SMCHD1: variants seen among roughly 807,000 people sequenced by gnomAD.
SMCHD1 encodes structural maintenance of chromosomes flexible hinge domain containing 1.
A neutral mutation model predicts 254.7 loss-of-function variants in SMCHD1; 78 were observed. That is an observed-to-expected ratio of 0.31 (90% CI 0.26 to 0.37). The LOEUF (loss-of-function observed/expected upper bound fraction) is 0.37, where lower values mean the gene tolerates loss of function less well. Among genes scored for constraint, SMCHD1 ranks in the 10% least tolerant of loss-of-function variants. The probability of loss-of-function intolerance (pLI) is 1.00; values close to 1 mark genes in which losing one functional copy is unlikely to be tolerated. For missense variants in SMCHD1, 1,840 were observed against 2,408.1 expected (o/e 0.76, Z 4.94); for synonymous variants, 766 against 794.9 (o/e 0.96, Z 0.61).
At chr18:2,664,244 A>G (rs2073374358) in intron 1 of SMCHD1, among the ~76,000 whole-genome samples, 2 of 152,192 alleles carry the variant, frequency 1.3e-5, no homozygotes, top group Admixed American at 1.3e-4. Context: ...AAAATAAAGC[A>G]TTTTTAATAT....
chr18:2,724,785 A>G (rs576791197), intron 20 of SMCHD1, 114 bp from the exon 21 acceptor site: 6 of 453,128 alleles, frequency 1.3e-5, no homozygotes, highest in African/African-American at 1.9e-5. Context: ...TTATATTTAA[A>G]AAATATTTTA....
intron 1 of SMCHD1, among the ~76,000 whole-genome samples, chr18:2,659,479 C>G (rs1042722481): frequency 2.6e-5 from 4 of 152,134 alleles, no homozygotes; most frequent in African/African-American, 9.7e-5. Flanking sequence ...ATGGAAAGGA[C>G]AAATCTGCAA....
intron 13 of SMCHD1, among the ~76,000 whole-genome samples, chr18:2,705,133 G>A (rs968359984): frequency 3.9e-5 from 6 of 152,182 alleles, no homozygotes; most frequent in African/African-American, 1.4e-4. Context: ...TTGTCCTGCT[G>A]CCTATTGTAT....
intron 45 of SMCHD1, among the ~76,000 whole-genome samples, chr18:2,790,622 G>A (rs975090860): frequency 4.6e-5 from 7 of 152,054 alleles, no homozygotes; most frequent in South Asian, 4.1e-4. Context: ...TTAGCTGGGC[G>A]TAGTGGCACA....
intron 7 of SMCHD1, among the ~76,000 whole-genome samples, chr18:2,692,941 G>A (rs893199673): frequency 2.0e-5 from 3 of 152,282 alleles, no homozygotes; most frequent in Middle Eastern, 3.4e-3. Context: ...AATTTGCATC[G>A]TTAGTAAATT....
chr18:2,773,220 T>C (rs191029084), intron 41 of SMCHD1, among the ~76,000 whole-genome samples: 29 of 152,328 alleles, frequency 1.9e-4, no homozygotes, highest in Admixed American at 1.6e-3. Context: ...TCAAGTTAAA[T>C]ATAAATTTAT....
chr18:2,668,176 G>A (rs550738583), intron 3 of SMCHD1, among the ~76,000 whole-genome samples: 19 of 152,178 alleles, frequency 1.2e-4, no homozygotes, highest in South Asian at 1.0e-3. Flanking sequence ...CACCATGCCC[G>A]GTCTGAACAG....
Position 2,772,388 on chromosome 18 carries a change from G to A in SMCHD1, c.5175+16G>A, listed in dbSNP as rs757272558. The A allele has an allele frequency of 2.0e-6, 3 of 1,537,104 alleles. No homozygotes were observed. On this transcript the variant is annotated intron_variant, in intron 41 of 47. Coordinates refer to ENST00000320876, the MANE Select transcript of SMCHD1 (RefSeq NM_015295.3). ...TTTGGGAAAGGTTTGTGTTTATTAAGCCTTTTGAAAGGCAGTACATTTTAT... is the reference window on the plus strand; with the variant it reads ...TTTGGGAAAGGTTTGTGTTTATTAAACCTTTTGAAAGGCAGTACATTTTAT...
chr18:2,739,687 G>T (rs1364062530), intron 27 of SMCHD1, among the ~76,000 whole-genome samples, 167 bp downstream of exon 27: 1 of 152,058 alleles, frequency 6.6e-6, no homozygotes. Context: ...CATTATCTTT[G>T]CCCAGGCTGA....
chr18:2,694,415 G>A, intron 7 of SMCHD1, 112 bp from the exon 8 acceptor site: 1 of 949,736 alleles, frequency 1.1e-6, no homozygotes, highest in Non-Finnish European at 1.5e-6. Context: ...AAGCTTTTCT[G>A]AAACCTATTT....
At chr18:2,659,763 GAAAAAA>G (rs58068466) in intron 1 of SMCHD1, among the ~76,000 whole-genome samples, 7 of 115,488 alleles carry the variant, frequency 6.1e-5, no homozygotes, top group African/African-American at 2.0e-4. Flanking sequence ...TTGAGATTTT[GAAAAAA>G]AAAAAAAAAA....
At chr18:2,767,515 C>T (rs1033320245) in intron 37 of SMCHD1, among the ~76,000 whole-genome samples, 6 of 149,814 alleles carry the variant, frequency 4.0e-5, no homozygotes, top group Non-Finnish European at 5.9e-5. Flanking sequence ...GTGCAAATAT[C>T]GTAGAGTATA....
chr18:2,763,540 T>A, intron 36 of SMCHD1, 97 bp from the exon 37 acceptor site: 1 of 975,580 alleles, frequency 1.0e-6, no homozygotes, highest in Non-Finnish European at 1.4e-6. Context: ...AATTTAATGT[T>A]GGGGGCTCTC....
chr18:2,705,640 T>C, intron 13 of SMCHD1, 54 bp from the exon 14 acceptor site: 1 of 833,300 alleles, frequency 1.2e-6, no homozygotes, highest in Admixed American at 2.9e-5. Context: ...AGCCTTTTTC[T>C]CTTCGTAAAT....
Position 2,655,829 on chromosome 18 carries a change from T to C in SMCHD1, c.-247T>C. 6.0e-6 allele frequency: 2 copies of C among 332,716 alleles called. No homozygotes were observed. The highest frequency in any genetic ancestry group is 1.1e-5 in the Non-Finnish European group (2 of 184,114). 20.6% of individuals were successfully genotyped at this position (332,716 alleles called of 1,614,324 possible). A position where few individuals can be genotyped will look rare whatever the true frequency, so the allele number is the denominator to read the frequency against. On this transcript the variant is annotated 5_prime_UTR_variant, in exon 1 of 48. Transcript: ENST00000320876. ...GGTGAGGAGCGCGCCGCGCGTCCCC[T>C]TCTCCTCAGGAGTGGCGGGCCGCGG...
chr18:2,735,521 G>C (rs962795671), intron 25 of SMCHD1, among the ~76,000 whole-genome samples: 1 of 152,118 alleles, frequency 6.6e-6, no homozygotes, highest in South Asian at 2.1e-4. Context: ...TCTATACCTA[G>C]AAAACACTAA....
chr18:2,656,036 G>C lies in SMCHD1; in HGVS notation c.-40G>C. On this transcript the variant is annotated 5_prime_UTR_variant, in exon 1 of 48. Coordinates refer to ENST00000320876, the MANE Select transcript of SMCHD1 (RefSeq NM_015295.3). ...AGCGCGCACCTCAGCCCTGAGCCCG[G>C]CGGCGGCAGGCGTCGCTGTCTTTTC... 1 of 1,307,896 alleles carries C rather than the reference G, an allele frequency of 7.6e-7. No individual in the cohort carries two copies. The highest frequency in any genetic ancestry group is 9.7e-7 in the Non-Finnish European group (1 of 1,026,010). 81.0% of individuals were successfully genotyped at this position (1,307,896 alleles called of 1,614,324 possible).
At chr18:2,734,952 T>C (rs987297727) in intron 25 of SMCHD1, among the ~76,000 whole-genome samples, 10 of 151,758 alleles carry the variant, frequency 6.6e-5, no homozygotes, top group African/African-American at 2.4e-4. Context: ...GCACCTGTGA[T>C]CCCAGCTACT....
chr18:2,665,309 G>A (rs572739485), intron 1 of SMCHD1, among the ~76,000 whole-genome samples: 1 of 150,782 alleles, frequency 6.6e-6, no homozygotes, highest in South Asian at 2.1e-4. Flanking sequence ...GTTTCTTGTT[G>A]CAATTTCCCT....
Sources: allele counts gnomAD v4.1 joint callset (sites outside exome capture counted in the v4.1 genomes callset), GRCh38; gene constraint gnomAD v4.1.1; transcripts MANE v1.5; gene names NCBI Gene and HGNC (gene_info 2026-07-23, HGNC 2026-07-21).